The following RBFOX2 variants were observed in gnomAD, a reference collection of about 807,000 sequenced individuals.
RBFOX2 encodes the protein RNA binding protein fox-1 homolog 2.
In RBFOX2, 10 loss-of-function variants were observed where a neutral mutation model predicts 49.1. The observed-to-expected ratio is 0.20, with a 90% CI of 0.13 to 0.35. The LOEUF is 0.35. Among genes scored for constraint, RBFOX2 ranks in the 10% least tolerant of loss-of-function variants. RBFOX2 has a pLI of 1.00. For synonymous variants in RBFOX2, 183 were observed against 187.4 expected (o/e 0.98, Z 0.19); for missense variants, 323 against 486.9 (o/e 0.66, Z 3.17).
rs546608792 is a variant in RBFOX2 at position 35,928,768 on chromosome 22, TAA to T, written c.-34+10077_-34+10078del. Among the ~76,000 whole-genome samples, 14 of 151,972 alleles carry T rather than the reference TAA, an allele frequency of 9.2e-5. No homozygotes were observed. In the South Asian group the frequency reaches 2.9e-3, roughly 32 times the overall value. ...CAACTCAATAAGAAGAAAAACCAAATAAAAAGTGGGCAAAAGACCTGAATAGA... is the reference window on the plus strand; with the variant it reads ...CAACTCAATAAGAAGAAAAACCAAATAAAGTGGGCAAAAGACCTGAATAGA... On this transcript the variant is annotated intron_variant, in intron 1 of 13. Transcript: ENST00000359369.
At chr22:35,840,054 T>C (rs1236341655) in intron 1 of RBFOX2, 1 of 1,200,590 alleles carries the variant, frequency 8.3e-7, no homozygotes, top group African/African-American at 1.5e-5. Flanking sequence ...CACAGACTTT[T>C]CAGCTGATAA....
intron 5 of RBFOX2, among the ~76,000 whole-genome samples, chr22:35,767,549 C>G (rs1941384181): frequency 1.3e-5 from 2 of 152,078 alleles, no homozygotes; most frequent in Admixed American, 1.3e-4. Context: ...GGGAAAGGAG[C>G]CAGTTAACCT....
intron 1 of RBFOX2, among the ~76,000 whole-genome samples, chr22:36,026,346 T>C (rs2059433600): frequency 6.6e-6 from 1 of 151,922 alleles, no homozygotes; most frequent in South Asian, 2.1e-4. Flanking sequence ...GCTGCCAATT[T>C]GTACCCCCAA....
At chr22:35,821,058 G>C (rs569964665) in intron 1 of RBFOX2, among the ~76,000 whole-genome samples, 2 of 152,276 alleles carry the variant, frequency 1.3e-5, no homozygotes, top group South Asian at 4.1e-4. Context: ...GAGCAAGAAA[G>C]AGTGGGAAAG....
At chr22:35,929,890 A>C (rs1026947279) in intron 1 of RBFOX2, among the ~76,000 whole-genome samples, 16 of 152,172 alleles carry the variant, frequency 1.1e-4, no homozygotes, top group African/African-American at 3.9e-4. Flanking sequence ...AATTTGAAAG[A>C]ATTTGGGGAA....
chr22:35,907,582 A>T (rs1293772290), intron 1 of RBFOX2, among the ~76,000 whole-genome samples: 1 of 152,230 alleles, frequency 6.6e-6, no homozygotes, highest in East Asian at 1.9e-4. Flanking sequence ...GGAGATTGTT[A>T]TATGCAGCTG....
At chr22:35,901,008 C>A (rs897190585) in intron 1 of RBFOX2, among the ~76,000 whole-genome samples, 4 of 152,194 alleles carry the variant, frequency 2.6e-5, no homozygotes, top group African/African-American at 9.7e-5. Context: ...TTCAATGTAA[C>A]ACCACCAACC....
At chr22:35,898,190 G>A (rs1015375455) in intron 1 of RBFOX2, 13 of 755,066 alleles carry the variant, frequency 1.7e-5, no homozygotes, top group Admixed American at 1.8e-5. Flanking sequence ...CGTCCAAGGT[G>A]GTTGACAACA....
At chr22:35,808,817 C>T (rs1414617576) in intron 2 of RBFOX2, among the ~76,000 whole-genome samples, 2 of 152,122 alleles carry the variant, frequency 1.3e-5, no homozygotes, top group East Asian at 1.9e-4. Context: ...CATGCCACTG[C>T]ACTCCAGCCT....
At chr22:35,983,885 C>T (rs745661984) in intron 1 of RBFOX2, among the ~76,000 whole-genome samples, 1 of 152,172 alleles carries the variant, frequency 6.6e-6, no homozygotes, top group Non-Finnish European at 1.5e-5. Context: ...TCCTCCTCAA[C>T]GACCAGGCAC....
At chr22:35,780,470 G>C (rs561072622) in intron 3 of RBFOX2, among the ~76,000 whole-genome samples, 1 of 151,944 alleles carries the variant, frequency 6.6e-6, no homozygotes, top group African/African-American at 2.4e-5. Flanking sequence ...AAGATCCTTA[G>C]CAGCCATTCA....
intron 1 of RBFOX2, among the ~76,000 whole-genome samples, chr22:36,016,266 T>G (rs1440494191): frequency 6.6e-6 from 1 of 151,936 alleles, no homozygotes; most frequent in Non-Finnish European, 1.5e-5. Context: ...GTATTCCAAC[T>G]CAAGCAACTG....
intron 2 of RBFOX2, among the ~76,000 whole-genome samples, chr22:35,792,921 T>G (rs1948056702): frequency 6.6e-6 from 1 of 152,214 alleles, no homozygotes; most frequent in Non-Finnish European, 1.5e-5. Flanking sequence ...TGTTAGCACT[T>G]AAAGTACTTT....
At chr22:35,829,854 T>C (rs925277435) in intron 1 of RBFOX2, among the ~76,000 whole-genome samples, 11 of 152,266 alleles carry the variant, frequency 7.2e-5, no homozygotes, top group Admixed American at 2.6e-4. Flanking sequence ...GCGGGAGTCA[T>C]GCCCTTCGTC....
At chr22:35,940,625 A>G (rs1363755514), upstream of RBFOX2, among the ~76,000 whole-genome samples, 1 of 152,200 alleles carries the variant, frequency 6.6e-6, no homozygotes, top group Non-Finnish European at 1.5e-5. Flanking sequence ...TCCACACAAA[A>G]TAATATACAT....
rs544814712 is a variant in RBFOX2, at chr22:35,779,483, G to C, written c.400-1405C>G. 7.2e-5 allele frequency among the ~76,000 whole-genome samples: 11 copies of C among 152,202 alleles called. 1 individual carries two copies. In the South Asian group the frequency reaches 2.3e-3, roughly 32 times the overall value. On this transcript the variant is annotated intron_variant, in intron 3 of 11. Transcript: ENST00000405409. ...CAAGTTTTCTACAGTAAGACATCTT[G>C]GTTTGGTTTAATAGAAGAATCACGG... is the stretch of plus-strand genomic sequence containing the variant.
At chr22:35,822,498 C>T (rs1954740321) in intron 1 of RBFOX2, among the ~76,000 whole-genome samples, 1 of 152,064 alleles carries the variant, frequency 6.6e-6, no homozygotes, top group Non-Finnish European at 1.5e-5. Flanking sequence ...TCTAATGATC[C>T]TCACGTACTG....
At chr22:36,001,937 G>A (rs1299406863) in intron 1 of RBFOX2, among the ~76,000 whole-genome samples, 3 of 152,012 alleles carry the variant, frequency 2.0e-5, no homozygotes, top group African/African-American at 2.4e-5. Context: ...GGTGGCAGGC[G>A]CCTATAATCC....
At chr22:35,857,327 G>C (rs1209361575) in intron 1 of RBFOX2, among the ~76,000 whole-genome samples, 2 of 152,126 alleles carry the variant, frequency 1.3e-5, no homozygotes, top group South Asian at 2.1e-4. Flanking sequence ...CATTACAAGA[G>C]GTTACAGATG....
Sources: allele counts gnomAD v4.1 joint callset (sites outside exome capture counted in the v4.1 genomes callset), GRCh38; gene constraint gnomAD v4.1.1; transcripts MANE v1.5; gene names NCBI Gene and HGNC (gene_info 2026-07-23, HGNC 2026-07-21).